The following MFAP2 variants were observed in gnomAD, a reference collection of about 807,000 sequenced individuals.
MFAP2 encodes microfibrillar-associated protein 2.
A neutral mutation model predicts 30.6 loss-of-function variants in MFAP2; 23 were observed. The observed-to-expected ratio is 0.75, with a 90% CI of 0.54 to 1.07. MFAP2 has a LOEUF of 1.07. MFAP2 is among the 50% of genes least tolerant of loss of function. The pLI, the probability that MFAP2 is intolerant of heterozygous loss-of-function variation, is 0.00. For synonymous variants in MFAP2, 73 were observed against 85.7 expected (o/e 0.85, Z 0.82); for missense variants, 198 against 223.8 (o/e 0.88, Z 0.74).
chr1:16,975,405 A>G lies in MFAP2; in HGVS notation c.375-63T>C, dbSNP rs1327623254. ...CCACCCAATCCCACTGGGATAGCCC[A>G]GACAGAACCTGGCACGGGAGCCCGG... On this transcript the variant is annotated intron_variant, in intron 7 of 8. Transcript: ENST00000375535. This position sits in a 1 kb window ranked among gnomAD's most constrained non-coding sequence, Gnocchi z 5.0. 2.7e-6 allele frequency: 4 copies of G among 1,462,270 alleles called. No homozygotes were observed. The South Asian group carries it at 3.6e-5, about 13-fold the overall frequency. The allele number at this position is 1,462,270 out of a possible 1,614,324, so 90.6% of individuals were successfully genotyped here.
chr1:16,977,019 CA>C, intron 3 of MFAP2, 89 bp downstream of exon 3: 1 of 1,612,604 alleles, frequency 6.2e-7, no homozygotes, highest in South Asian at 1.1e-5. Flanking sequence ...GACCAACCCC[CA>C]GAGTTCCCAT....
Position 16,976,875 on chromosome 1 carries a change from T to C in MFAP2, c.154+22A>G. ...CCCCACCCCAGCTGCCGGCCCGTCC[T>C]ATCCTACCCCTAGCCCGTTACCTTG... On this transcript the variant is annotated intron_variant, in intron 4 of 8. Transcript: ENST00000375535. This position sits in a 1 kb window ranked among gnomAD's most constrained non-coding sequence, Gnocchi z 5.5. The C allele has an allele frequency of 5.0e-6, 8 of 1,614,080 alleles. No homozygotes were observed. Among genetic ancestry groups the C allele is most frequent in the Middle Eastern group, 1.7e-4 (1 of 6,060 alleles).
intron 1 of MFAP2, among the ~76,000 whole-genome samples, chr1:16,980,147 T>G (rs1001548947): frequency 6.6e-6 from 1 of 151,882 alleles, no homozygotes; most frequent in Admixed American, 6.5e-5. Flanking sequence ...GAAACCCAGA[T>G]GTTGCAGCGC....
Position 16,978,449 on chromosome 1 carries a change from G to C in MFAP2, c.-41-135C>G, listed in dbSNP as rs1023336118. ...CCAGGCATGGGAGGGCTGGAGTGGAGGGACATCCCAGTCCCTGCTGGCCCA... is the reference window on the plus strand; with the variant it reads ...CCAGGCATGGGAGGGCTGGAGTGGACGGACATCCCAGTCCCTGCTGGCCCA... On this transcript the variant is annotated intron_variant, in intron 1 of 8. Transcript: ENST00000375535. 2.2e-5 allele frequency: 16 copies of C among 734,524 alleles called. No homozygotes were observed. The Admixed American group carries it at 4.3e-4, about 20-fold the overall frequency. 45.5% of individuals were successfully genotyped at this position (734,524 alleles called of 1,614,324 possible). A position where few individuals can be genotyped will look rare whatever the true frequency, so the allele number is the denominator to read the frequency against.
At position 16,976,758 on chromosome 1, in the gene MFAP2, A is replaced by G; in HGVS notation, c.191T>C (p.Phe64Ser). Reference sequence around the variant, plus strand: ...CTGTTGGACTTGCTGCTGGGACTGGAACTGGAACTGTTCCTCGGAGGGCCG... The same window carrying G: ...CTGTTGGACTTGCTGCTGGGACTGGGACTGGAACTGTTCCTCGGAGGGCCG... Reference protein sequence around the residue: ...TPRPSEEQFQFQSQQQVQQEV... With the variant: ...TPRPSEEQFQSQSQQQVQQEV... Residue 64 changes from phenylalanine to serine, a missense_variant, in exon 5 of 9, where the codon TTC becomes TCC. Phe to Ser is a radical substitution (Grantham distance 155). Transcript: ENST00000375535. The surrounding 1 kb of genome is among the most constrained non-coding windows in gnomAD (Gnocchi z 5.5). The G allele has an allele frequency of 1.2e-6, 2 of 1,613,766 alleles. No individual in the cohort carries two copies. Among genetic ancestry groups the G allele is most frequent in the Non-Finnish European group, 1.7e-6 (2 of 1,179,868 alleles).
At position 16,976,699 on chromosome 1, in the gene MFAP2, G is replaced by T. The variant is rs749285130; in HGVS notation, c.241+9C>A. 8.7e-6 allele frequency: 14 copies of T among 1,613,406 alleles called. No homozygotes were observed. In the Admixed American group the frequency reaches 1.8e-4, roughly 21 times the overall value. ...GCTGAGACGGGTGGGAGCAGGGTCT[G>T]GGGCCTACCTGGGGTTGGGGCTGGG... On this transcript the variant is annotated intron_variant, in intron 5 of 8. Transcript: ENST00000375535. This position sits in a 1 kb window ranked among gnomAD's most constrained non-coding sequence, Gnocchi z 5.5.
At position 16,977,372 on chromosome 1, in the gene MFAP2, C is replaced by T. The variant is rs577019532; in HGVS notation, c.38-174G>A. 10 of 643,796 alleles carry T rather than the reference C, an allele frequency of 1.6e-5. No homozygotes were observed. In the East Asian group the frequency reaches 2.8e-4, roughly 18 times the overall value. 39.9% of individuals were successfully genotyped at this position (643,796 alleles called of 1,614,324 possible). A position where few individuals can be genotyped will look rare whatever the true frequency, so the allele number is the denominator to read the frequency against. The stretch of plus-strand genomic sequence containing the variant: ...CTTCGATGGTAAAGACCCTTCCCCA[C>T]CCTGGTCATGGGTCACCTCCCTGAC... On this transcript the variant is annotated intron_variant, in intron 2 of 8. Transcript: ENST00000375535.
chr1:16,975,021 C>T lies in MFAP2; in HGVS notation c.451G>A (p.Asp151Asn), dbSNP rs1206837107. Residue 151 changes from aspartate to asparagine, a missense_variant and splice_region_variant, in exon 9 of 9, where the codon GAC becomes AAC. By Grantham distance (23) the Asp-to-Asn change is conservative. Transcript: ENST00000375535. The surrounding 1 kb of genome is among the most constrained non-coding windows in gnomAD (Gnocchi z 5.0). ...VCAHEELLRA[D>N]LCRDKFSKCG... ...TTGGAGAACTTGTCCCGACAGAGGT[C>T]AGCTATTGGGGGCAGGAAGGAGGCA... The T allele has an allele frequency of 1.3e-6, 1 of 750,220 alleles. No homozygotes were observed. 46.5% of individuals were successfully genotyped at this position (750,220 alleles called of 1,614,324 possible).
Position 16,975,495 on chromosome 1 carries a change from TG to T in MFAP2, c.374+147del. ...GGAGCCCAGGAGTGGAGGAGGTCCC[TG>T]GCCCAGGCTCAACCACAGAACTGAG... On this transcript the variant is annotated intron_variant, in intron 7 of 8. Transcript: ENST00000375535. The surrounding 1 kb of genome is among the most constrained non-coding windows in gnomAD (Gnocchi z 5.0). 2 of 1,210,030 alleles carry T rather than the reference TG, an allele frequency of 1.7e-6. No homozygotes were observed. The highest frequency in any genetic ancestry group is 2.4e-6 in the Non-Finnish European group (2 of 834,008). 75.0% of individuals were successfully genotyped at this position (1,210,030 alleles called of 1,614,324 possible).
rs770239531 is a variant in MFAP2, at chr1:16,976,845, G to A, written c.155-51C>T. 1 of 1,613,908 alleles carries A rather than the reference G, an allele frequency of 6.2e-7. No individual in the cohort carries two copies. Among genetic ancestry groups the A allele is most frequent in the Non-Finnish European group, 8.5e-7 (1 of 1,179,984 alleles). On this transcript the variant is annotated intron_variant, in intron 4 of 8. Transcript: ENST00000375535. The surrounding 1 kb of genome is among the most constrained non-coding windows in gnomAD (Gnocchi z 5.5). ...TCTGCTCCCTCTACCCCTCCCAGGG[G>A]GTCTCCCCACCCCAGCTGCCGGCCC...
At position 16,976,683 on chromosome 1, in the gene MFAP2, G is replaced by T; in HGVS notation, c.241+25C>A. On this transcript the variant is annotated intron_variant, in intron 5 of 8. Coordinates refer to ENST00000375535, the MANE Select transcript of MFAP2 (RefSeq NM_002403.4). This position sits in a 1 kb window ranked among gnomAD's most constrained non-coding sequence, Gnocchi z 5.5. ...GAGGGGTGAGGCAGGAGCTGAGACG[G>T]GTGGGAGCAGGGTCTGGGGCCTACC... 1 of 1,612,752 alleles carries T rather than the reference G, an allele frequency of 6.2e-7. No homozygotes were observed. Among genetic ancestry groups the T allele is most frequent in the Admixed American group, 1.7e-5 (1 of 59,888 alleles).
Position 16,976,448 on chromosome 1 carries a change from A to G in MFAP2, c.286+53T>C. On this transcript the variant is annotated intron_variant, in intron 6 of 8. Coordinates refer to ENST00000375535, the MANE Select transcript of MFAP2 (RefSeq NM_002403.4). This position sits in a 1 kb window ranked among gnomAD's most constrained non-coding sequence, Gnocchi z 5.5. ...GCCCACCAGCACCACCCCCTACTCC[A>G]CCCCAACTTCAGGGCGTGCCTCCAT... The G allele has an allele frequency of 6.2e-7, 1 of 1,611,470 alleles. No homozygotes were observed. The highest frequency in any genetic ancestry group is 8.5e-7 in the Non-Finnish European group (1 of 1,177,770).
Position 16,974,839 on chromosome 1 carries a change from T to C in MFAP2, c.*81A>G. The C allele has an allele frequency of 1.8e-6, 1 of 554,074 alleles. No individual in the cohort carries two copies. Among genetic ancestry groups the C allele is most frequent in the East Asian group, 2.9e-5 (1 of 34,568 alleles). The allele number at this position is 554,074 out of a possible 1,614,324, so 34.3% of individuals were successfully genotyped here. A position where few individuals can be genotyped will look rare whatever the true frequency, so the allele number is the denominator to read the frequency against. Reference sequence around the variant, plus strand: ...TTACAGAATAAAAGGAACATGGGGATGGGGAAAAAAGCACCAGGTCAGGCA... The same window carrying C: ...TTACAGAATAAAAGGAACATGGGGACGGGGAAAAAAGCACCAGGTCAGGCA... On this transcript the variant is annotated 3_prime_UTR_variant, in exon 9 of 9. Coordinates refer to ENST00000375535, the MANE Select transcript of MFAP2 (RefSeq NM_002403.4).
rs1557656639 is a variant in MFAP2 at position 16,980,267 on chromosome 1, A to ACAC, written c.-42+319_-42+320insGTG. ...TCTCTGTCTCGGCCATTCCCACCGG[A>ACAC]CCCCCCCCCCCCACCCCACCCGCCA... On this transcript the variant is annotated intron_variant, in intron 1 of 8. Transcript: ENST00000375535. 1.1e-3 allele frequency among the ~76,000 whole-genome samples: 87 copies of ACAC among 80,300 alleles called. 1 individual carries two copies. Among genetic ancestry groups the ACAC allele is most frequent in the South Asian group, 1.4e-3 (3 of 2,222 alleles). 52.7% of individuals were successfully genotyped at this position (80,300 alleles called of 152,430 possible).
chr1:16,977,015 C>T, intron 3 of MFAP2, 92 bp from the exon 4 acceptor site: 1 of 1,611,898 alleles, frequency 6.2e-7, no homozygotes, highest in Non-Finnish European at 8.5e-7. Flanking sequence ...CAGGGACCAA[C>T]CCCCAGAGTT....
Position 16,975,281 on chromosome 1 carries a change from C to A in MFAP2, c.436G>T (p.Glu146Ter). ...ICVRTVCAHE[E>*]LLRADLCRDK... The stretch of plus-strand genomic sequence containing the variant: ...GTGGCCTTCCTACCTCGGAGGAGCT[C>A]CTCATGGGCACACACTGTACGAACA... Residue 146 changes from glutamate to a stop codon, truncating the protein, a stop_gained, in exon 8 of 9, where the codon GAG becomes TAG. Coordinates refer to ENST00000375535, the MANE Select transcript of MFAP2 (RefSeq NM_002403.4). LOFTEE classifies it high-confidence loss of function. The surrounding 1 kb of genome is among the most constrained non-coding windows in gnomAD (Gnocchi z 5.0). 1 of 1,613,708 alleles carries A rather than the reference C, an allele frequency of 6.2e-7. No homozygotes were observed. The highest frequency in any genetic ancestry group is 8.5e-7 in the Non-Finnish European group (1 of 1,179,768).
intron 1 of MFAP2, among the ~76,000 whole-genome samples, chr1:16,980,266 G>GGCCCCCCCCCCCCCCCCCCCC (rs1557656617): frequency 1.5e-5 from 1 of 66,636 alleles, no homozygotes; most frequent in Admixed American, 1.3e-4. Context: ...ATTCCCACCG[G>GGCCCCCCCCCCCCCCCCCCCC]ACCCCCCCCC....
rs1321550207 is a variant in MFAP2, at chr1:16,975,479, G to A, written c.375-137C>T. The A allele has an allele frequency of 6.7e-6, 8 of 1,189,344 alleles. No homozygotes were observed. Among genetic ancestry groups the A allele is most frequent in the African/African-American group, 6.1e-5 (4 of 65,910 alleles). The allele number at this position is 1,189,344 out of a possible 1,614,324, so 73.7% of individuals were successfully genotyped here. A position where few individuals can be genotyped will look rare whatever the true frequency, so the allele number is the denominator to read the frequency against. On this transcript the variant is annotated intron_variant, in intron 7 of 8. Transcript: ENST00000375535. The surrounding 1 kb of genome is among the most constrained non-coding windows in gnomAD (Gnocchi z 5.0). ...GACAGAACCTGGCACTGGAGCCCAG[G>A]AGTGGAGGAGGTCCCTGGCCCAGGC...
At position 16,978,327 on chromosome 1, in the gene MFAP2, C is replaced by T. The variant is rs1409754521; in HGVS notation, c.-41-13G>A. On this transcript the variant is annotated splice_polypyrimidine_tract_variant and intron_variant, in intron 1 of 8. Transcript: ENST00000375535. ...TCAGAGAGGACAGCTGGGGAAAGAC[C>T]GGTGGGAGAGCTCTACCCAGGGCCA... 47 of 1,550,302 alleles carry T rather than the reference C, an allele frequency of 3.0e-5. No individual in the cohort carries two copies. Among genetic ancestry groups the T allele is most frequent in the Non-Finnish European group, 3.7e-5 (42 of 1,143,754 alleles).
Sources: allele counts gnomAD v4.1 joint callset (sites outside exome capture counted in the v4.1 genomes callset), GRCh38; gene constraint gnomAD v4.1.1; non-coding constraint Gnocchi (gnomAD v3.1); transcripts MANE v1.5; gene names NCBI Gene and HGNC (gene_info 2026-07-23, HGNC 2026-07-21).